PPL: variants seen among roughly 807,000 people sequenced by gnomAD.
The protein encoded by PPL is periplakin.
In PPL, 198 loss-of-function variants were observed where a neutral mutation model predicts 194.4. That is an observed-to-expected ratio of 1.02 (90% CI 0.91 to 1.15). The LOEUF is 1.15. PPL is among the 50% of genes most tolerant of loss of function. The probability of loss-of-function intolerance (pLI) is 0.00; values close to 1 mark genes in which losing one functional copy is unlikely to be tolerated. For synonymous variants in PPL, 1,220 were observed against 972.4 expected (o/e 1.25, Z -4.74); for missense variants, 2,885 against 2,294.8 (o/e 1.26, Z -5.25).
chr16:4,928,278 G>A (rs762162376), intron 1 of PPL, among the ~76,000 whole-genome samples: 1 of 152,234 alleles, frequency 6.6e-6, no homozygotes, highest in Non-Finnish European at 1.5e-5. Context: ...TAGGGACAGG[G>A]TTTCACCATG....
In PPL at chr16:4,902,198, C is replaced by G. The variant is rs974437144; in HGVS notation, c.438+208G>C. Among the ~76,000 whole-genome samples the G allele has an allele frequency of 6.6e-6, 1 of 152,230 alleles. No homozygotes were observed. Among genetic ancestry groups the G allele is most frequent in the Non-Finnish European group, 1.5e-5 (1 of 68,040 alleles). On this transcript the variant is annotated intron_variant, in intron 4 of 21. Coordinates refer to ENST00000345988, the MANE Select transcript of PPL (RefSeq NM_002705.5). This position sits in a 1 kb window ranked among gnomAD's most constrained non-coding sequence, Gnocchi z 4.0. ...GGCTGACAGGGGACAGAGTCCGAAT[C>G]TCCACCGCTTGAGCTGTGTGACCCT...
At chr16:4,894,321 T>C (rs770775156) in intron 12 of PPL, 146 bp downstream of exon 12, 11 of 1,031,262 alleles carry the variant, frequency 1.1e-5, no homozygotes, top group African/African-American at 3.2e-5. Context: ...CTCTCCTGCA[T>C]GAACTTCCAA....
intron 1 of PPL, among the ~76,000 whole-genome samples, chr16:4,931,139 G>C (rs1409724803): frequency 2.0e-5 from 3 of 152,152 alleles, no homozygotes; most frequent in Non-Finnish European, 4.4e-5. Flanking sequence ...TAAGGCAAGA[G>C]GCTCACTTGA....
At position 4,885,557 on chromosome 16, in the gene PPL, A is replaced by T; in HGVS notation, c.3098T>A (p.Leu1033His). Reference protein sequence around the residue: ...QKGAREAEVLLLQQRVAALAE... With the variant: ...QKGAREAEVLHLQQRVAALAE... ...CAGGGCGGCCACACGCTGCTGCAGGAGGAGCACCTCTGCCTCCCGGGCGCC... is the reference window on the plus strand; with the variant it reads ...CAGGGCGGCCACACGCTGCTGCAGGTGGAGCACCTCTGCCTCCCGGGCGCC... Residue 1033 changes from leucine (L) to histidine (H), a missense_variant, in exon 22 of 22, where the codon CTC (leucine) becomes CAC (histidine). Coordinates refer to ENST00000345988, the MANE Select transcript of PPL (RefSeq NM_002705.5). This position sits in a 1 kb window ranked among gnomAD's most constrained non-coding sequence, Gnocchi z 6.3. 6.2e-7 allele frequency: 1 copy of T among 1,610,634 alleles called. No homozygotes were observed. Among genetic ancestry groups the T allele is most frequent in the South Asian group, 1.1e-5 (1 of 91,078 alleles).
Position 4,893,536 on chromosome 16 carries a change from C to T in PPL, c.1492+5G>A, listed in dbSNP as rs2142346132. ...GAGCCTCAGGCGAGTGGCCCTGGCACCCACCTCCGGGATTCTCGGTCTTCA... is the reference window on the plus strand; with the variant it reads ...GAGCCTCAGGCGAGTGGCCCTGGCATCCACCTCCGGGATTCTCGGTCTTCA... On this transcript the variant is annotated splice_donor_5th_base_variant and intron_variant, in intron 13 of 21. Coordinates refer to ENST00000345988, the MANE Select transcript of PPL (RefSeq NM_002705.5). 1 of 1,612,134 alleles carries T rather than the reference C, an allele frequency of 6.2e-7. No homozygotes were observed.
At chr16:4,897,858 G>A in intron 8 of PPL, 88 bp from the exon 9 acceptor site, 1 of 1,073,024 alleles carries the variant, frequency 9.3e-7, no homozygotes, top group Non-Finnish European at 1.4e-6. Context: ...CTGGGGCATG[G>A]CGGGGGAGGG....
chr16:4,922,019 C>T (rs1035189246), intron 1 of PPL, among the ~76,000 whole-genome samples: 2 of 151,352 alleles, frequency 1.3e-5, no homozygotes, highest in Admixed American at 6.6e-5. Context: ...GGGGGACCCT[C>T]GCTCTCCACC....
intron 2 of PPL, among the ~76,000 whole-genome samples, chr16:4,905,138 G>A (rs1339157162): frequency 1.3e-5 from 2 of 152,188 alleles, no homozygotes; most frequent in African/African-American, 2.4e-5. Flanking sequence ...GTTGGCTGAC[G>A]CTGGGGCACT....
intron 8 of PPL, 86 bp from the exon 9 acceptor site, chr16:4,897,856 T>C: frequency 1.8e-6 from 2 of 1,107,764 alleles, no homozygotes; most frequent in Non-Finnish European, 2.7e-6. Flanking sequence ...GGCTGGGGCA[T>C]GGCGGGGGAG....
chr16:4,893,500 C>T (rs777437641), intron 13 of PPL, 41 bp downstream of exon 13: 46 of 1,605,060 alleles, frequency 2.9e-5, no homozygotes, highest in Non-Finnish European at 3.5e-5. Context: ...CCCTCCTCCC[C>T]GGTACCCCCA....
chr16:4,930,533 T>C (rs2089213350), intron 1 of PPL, among the ~76,000 whole-genome samples: 1 of 152,182 alleles, frequency 6.6e-6, no homozygotes, highest in Non-Finnish European at 1.5e-5. Flanking sequence ...CATGGCTTAC[T>C]CTCATTCATT....
chr16:4,895,123 C>T, intron 11 of PPL, 138 bp downstream of exon 11: 2 of 1,158,616 alleles, frequency 1.7e-6, no homozygotes, highest in Non-Finnish European at 2.3e-6. Context: ...TGGCCTGCAC[C>T]AGGGGAAGGG....
rs1193482013 is a variant in PPL at position 4,883,812 on chromosome 16, G to A, written c.4843C>T (p.Leu1615=). ...TTGAGGTCATCCAGTTCCCTCTCCA[G>A]GGACCACAGTCTGGAGTCATGGTTG... ...GTNHDSRLWS[L]ERELDDLKRL... The change falls in exon 22 of 22, where the codon CTG becomes TTG. Residue 1615 remains leucine, a synonymous_variant. Coordinates refer to ENST00000345988, the MANE Select transcript of PPL (RefSeq NM_002705.5). The surrounding 1 kb of genome is among the most constrained non-coding windows in gnomAD (Gnocchi z 4.8). 1 of 1,614,106 alleles carries A rather than the reference G, an allele frequency of 6.2e-7. No individual in the cohort carries two copies. The highest frequency in any genetic ancestry group is 8.5e-7 in the Non-Finnish European group (1 of 1,180,030).
rs980580154 is a variant in PPL at position 4,898,259 on chromosome 16, T to G, written c.877-489A>C. ...TGGGCATGATGGTGTGCGCCTGTAGTCCCAGCTACTTGGGAGGCTGAGGCA... is the reference window on the plus strand; with the variant it reads ...TGGGCATGATGGTGTGCGCCTGTAGGCCCAGCTACTTGGGAGGCTGAGGCA... On this transcript the variant is annotated intron_variant, in intron 8 of 21. Coordinates refer to ENST00000345988, the MANE Select transcript of PPL (RefSeq NM_002705.5). Among the ~76,000 whole-genome samples the G allele has an allele frequency of 5.9e-5, 9 of 152,282 alleles. No homozygotes were observed. The South Asian group carries it at 1.9e-3, about 32-fold the overall frequency.
rs1355548713 is a variant in PPL, at chr16:4,902,371, A to G, written c.438+35T>C. The G allele has an allele frequency of 6.2e-7, 1 of 1,611,154 alleles. No homozygotes were observed. ...ACACGCACAGCCCCCTCCCCAGCTGAAACCCTGGAGCCAGCGGCCCCGTCC... is the reference window on the plus strand; with the variant it reads ...ACACGCACAGCCCCCTCCCCAGCTGGAACCCTGGAGCCAGCGGCCCCGTCC... On this transcript the variant is annotated intron_variant, in intron 4 of 21. Coordinates refer to ENST00000345988, the MANE Select transcript of PPL (RefSeq NM_002705.5). This position sits in a 1 kb window ranked among gnomAD's most constrained non-coding sequence, Gnocchi z 4.0.
At chr16:4,924,447 G>A (rs2089117908) in intron 1 of PPL, among the ~76,000 whole-genome samples, 1 of 152,188 alleles carries the variant, frequency 6.6e-6, no homozygotes, top group African/African-American at 2.4e-5. Flanking sequence ...AGTGACCACA[G>A]TCTCTCAGTT....
At position 4,890,301 on chromosome 16, in the gene PPL, G is replaced by A. The variant is rs150485802; in HGVS notation, c.2196C>T (p.Tyr732=). The A allele has an allele frequency of 2.1e-5, 34 of 1,613,954 alleles. No individual in the cohort carries two copies. The highest frequency in any genetic ancestry group is 1.0e-4 in the Admixed American group (6 of 60,004). Residue 732 remains tyrosine, a synonymous_variant, in exon 18 of 22, where the codon TAC becomes TAT. Transcript: ENST00000345988. ...GGTCATGGCCGCGGTGGAAGTGCTC[G>A]TAGGCTGCCTTGGCGCTCTGTAGGC... is the stretch of plus-strand genomic sequence containing the variant. ...AQSLQSAKAA[Y]EHFHRGHDHV... is the part of the protein sequence containing the mutation.
intron 2 of PPL, among the ~76,000 whole-genome samples, chr16:4,904,590 A>G (rs753476239): frequency 6.6e-6 from 1 of 152,230 alleles, no homozygotes; most frequent in Non-Finnish European, 1.5e-5. Flanking sequence ...AGCCACAGGA[A>G]CAGCCTGTGC....
intron 21 of PPL, among the ~76,000 whole-genome samples, chr16:4,886,249 T>G (rs2088218156): frequency 6.6e-6 from 1 of 152,110 alleles, no homozygotes; most frequent in Non-Finnish European, 1.5e-5. Flanking sequence ...GGTAAAACAT[T>G]TTTGAGCTGT....
Sources: allele counts gnomAD v4.1 joint callset (sites outside exome capture counted in the v4.1 genomes callset), GRCh38; gene constraint gnomAD v4.1.1; non-coding constraint Gnocchi (gnomAD v3.1); transcripts MANE v1.5; gene names NCBI Gene and HGNC (gene_info 2026-07-23, HGNC 2026-07-21).